The following NKAIN3 variants were observed in gnomAD, a reference collection of about 807,000 sequenced individuals.
The protein encoded by NKAIN3 is sodium/potassium transporting ATPase interacting 3.
In NKAIN3, 25 loss-of-function variants were observed where a neutral mutation model predicts 30.2. The observed-to-expected ratio is 0.83, with a 90% CI of 0.60 to 1.16. The LOEUF is 1.16. Among genes scored for constraint, NKAIN3 ranks in the 50% most tolerant of loss-of-function variants. The pLI is 0.00. For missense variants in NKAIN3, 225 were observed against 254.1 expected, an observed-to-expected ratio of 0.89 and a Z score of 0.78; for synonymous variants, 91 against 89.6, an observed-to-expected ratio of 1.02 and a Z score of -0.09.
chr8:62,945,686 A>G (rs1190796774), intron 5 of NKAIN3, among the ~76,000 whole-genome samples: 1 of 152,186 alleles, frequency 6.6e-6, no homozygotes, highest in Non-Finnish European at 1.5e-5. Context: ...GAGGTCTTAC[A>G]TTCACTTGGG....
At chr8:62,346,713 C>G (rs555916444) in intron 1 of NKAIN3, among the ~76,000 whole-genome samples, 5 of 152,132 alleles carry the variant, frequency 3.3e-5, no homozygotes, top group African/African-American at 9.6e-5. Flanking sequence ...AAAGGTTGAC[C>G]TGAGTCCAGT....
chr8:62,427,735 T>C (rs367841136), intron 1 of NKAIN3, among the ~76,000 whole-genome samples: 6 of 152,106 alleles, frequency 3.9e-5, no homozygotes, highest in Middle Eastern at 3.4e-3. Context: ...GTTGTACACA[T>C]TATAGGGTAC....
intron 1 of NKAIN3, among the ~76,000 whole-genome samples, chr8:62,493,280 A>T (rs560830685): frequency 2.0e-5 from 3 of 151,500 alleles, no homozygotes; most frequent in African/African-American, 7.3e-5. Flanking sequence ...TTGAATAGGG[A>T]CTCCTTTCCT....
chr8:62,976,894 T>TAC lies in NKAIN3; in HGVS notation c.*11487_*11488insAC, dbSNP rs1823953993. ...GGCAGGCTTGGTGTGACAAAATTCC[T>TAC]CAGCATTTGCTTGTCTGTAAAGGAT... On this transcript the variant is annotated 3_prime_UTR_variant, in exon 7 of 7. Transcript: ENST00000623646. 1.3e-5 allele frequency among the ~76,000 whole-genome samples: 2 copies of TAC among 152,244 alleles called. No individual in the cohort carries two copies. The highest frequency in any genetic ancestry group is 4.1e-4 in the South Asian group (2 of 4,834).
intron 4 of NKAIN3, among the ~76,000 whole-genome samples, chr8:62,859,508 T>TAAAACAAAAAAAAAAAAAAAAA (rs1820173473): frequency 1.7e-5 from 1 of 60,442 alleles, no homozygotes; most frequent in Non-Finnish European, 3.4e-5. Context: ...TTACTTCAAC[T>TAAAACAAAAAAAAAAAAAAAAA]AAAAAAAAAA....
intron 4 of NKAIN3, among the ~76,000 whole-genome samples, chr8:62,912,067 G>C (rs905729937): frequency 6.6e-6 from 1 of 152,106 alleles, no homozygotes; most frequent in Non-Finnish European, 1.5e-5. Context: ...CACAGAACTA[G>C]GTGGTGTAGC....
intron 1 of NKAIN3, among the ~76,000 whole-genome samples, chr8:62,385,418 G>C (rs1263977473): frequency 6.6e-6 from 1 of 152,058 alleles, no homozygotes; most frequent in Middle Eastern, 3.2e-3. Flanking sequence ...AACTCAAATA[G>C]TAAAATGCAG....
At chr8:62,436,656 G>C (rs1034506020) in intron 1 of NKAIN3, among the ~76,000 whole-genome samples, 2 of 152,088 alleles carry the variant, frequency 1.3e-5, no homozygotes, top group African/African-American at 4.8e-5. Flanking sequence ...AGAAAGCCTA[G>C]TTTTGCTCAC....
chr8:62,664,472 C>A (rs1420491318), intron 3 of NKAIN3, among the ~76,000 whole-genome samples: 1 of 152,088 alleles, frequency 6.6e-6, no homozygotes. Flanking sequence ...GAAGAGGGTA[C>A]AATAATCAAT....
intron 4 of NKAIN3, among the ~76,000 whole-genome samples, chr8:62,880,909 A>G (rs1369801050): frequency 6.6e-6 from 1 of 152,220 alleles, no homozygotes; most frequent in Admixed American, 6.5e-5. Context: ...TTTAATTTAC[A>G]TGCCATATAC....
intron 5 of NKAIN3, among the ~76,000 whole-genome samples, chr8:62,945,044 C>T (rs1823082717): frequency 6.6e-6 from 1 of 152,112 alleles, no homozygotes; most frequent in Non-Finnish European, 1.5e-5. Context: ...CTGCTTTGTA[C>T]TAGACACTGT....
chr8:62,370,199 G>T (rs1377754817), intron 1 of NKAIN3, among the ~76,000 whole-genome samples: 2 of 151,884 alleles, frequency 1.3e-5, no homozygotes, highest in Non-Finnish European at 2.9e-5. Context: ...GTCACACAAG[G>T]TCTAGAAATT....
At chr8:62,541,230 C>T (rs556976554) in intron 1 of NKAIN3, among the ~76,000 whole-genome samples, 1 of 152,090 alleles carries the variant, frequency 6.6e-6, no homozygotes, top group Non-Finnish European at 1.5e-5. Context: ...GGCAGGAGAA[C>T]TGCTAGAACC....
intron 4 of NKAIN3, among the ~76,000 whole-genome samples, chr8:62,917,924 C>T (rs1452079097): frequency 6.6e-6 from 1 of 152,186 alleles, no homozygotes. Flanking sequence ...ACTGAATCAC[C>T]AGCAAGTTAA....
intron 3 of NKAIN3, among the ~76,000 whole-genome samples, chr8:62,725,473 C>T (rs1300956671): frequency 6.6e-6 from 1 of 152,038 alleles, no homozygotes; most frequent in African/African-American, 2.4e-5. Flanking sequence ...AGGGTTTCCC[C>T]AAAGTTTTCT....
intron 1 of NKAIN3, among the ~76,000 whole-genome samples, chr8:62,351,542 C>T (rs910372874): frequency 1.4e-4 from 21 of 149,774 alleles, no homozygotes; most frequent in African/African-American, 5.1e-4. Context: ...TTTAAATACA[C>T]AACATATATC....
intron 1 of NKAIN3, among the ~76,000 whole-genome samples, chr8:62,429,976 AC>A (rs1203428325): frequency 6.6e-6 from 1 of 151,820 alleles, no homozygotes; most frequent in East Asian, 1.9e-4. Flanking sequence ...GAAACAGTAT[AC>A]CCATTGAACA....
chr8:62,734,041 G>A (rs1284093506), intron 3 of NKAIN3, among the ~76,000 whole-genome samples: 3 of 152,140 alleles, frequency 2.0e-5, no homozygotes, highest in African/African-American at 7.2e-5. Context: ...CATCACTTTG[G>A]GAGGCCATTG....
At chr8:62,249,156 G>C (rs1811997717) in intron 1 of NKAIN3, 29 bp downstream of exon 1, 1 of 1,516,494 alleles carries the variant, frequency 6.6e-7, no homozygotes, top group Non-Finnish European at 8.8e-7. Context: ...CCTGCCCCAG[G>C]ACAGGTCCCT....
Sources: gnomAD v4.1 joint callset for allele counts (sites outside exome capture counted in the v4.1 genomes callset) on GRCh38, gnomAD v4.1.1 for gene constraint, MANE v1.5 for transcripts, NCBI Gene and HGNC (gene_info 2026-07-23, HGNC 2026-07-21) for gene names.